MYO10: variants seen among roughly 807,000 people sequenced by gnomAD.
The protein encoded by MYO10 is myosin X, also known as unconventional myosin-X.
MYO10 carries 133 observed loss-of-function variants against 257.3 expected under a neutral mutation model. The ratio of observed to expected loss-of-function variants is 0.52; its 90% CI spans 0.45 to 0.60. The LOEUF is 0.60. MYO10 is among the 20% of genes least tolerant of loss of function. The pLI, the probability that MYO10 is intolerant of heterozygous loss-of-function variation, is 0.00. For synonymous variants in MYO10, 1,104 were observed against 1,028.6 expected (o/e 1.07, Z -1.40); for missense variants, 2,399 against 2,635.7 (o/e 0.91, Z 1.97).
At chr5:16,709,871 T>TA (rs966557974) in intron 21 of MYO10, among the ~76,000 whole-genome samples, 4 of 148,716 alleles carry the variant, frequency 2.7e-5, no homozygotes, top group Non-Finnish European at 5.9e-5. Context: ...CCGTCAGCAG[T>TA]AAAAAATTTC....
chr5:16,819,516 G>T (rs775786525), intron 2 of MYO10, among the ~76,000 whole-genome samples: 5 of 151,790 alleles, frequency 3.3e-5, no homozygotes, highest in Non-Finnish European at 7.4e-5. Flanking sequence ...TAAATACTTG[G>T]ATTACAATCC....
intron 19 of MYO10, among the ~76,000 whole-genome samples, chr5:16,743,857 T>C (rs931755294): frequency 6.6e-6 from 1 of 152,194 alleles, no homozygotes; most frequent in African/African-American, 2.4e-5. Context: ...ACTTTGGACT[T>C]TAATAATAAT....
intron 2 of MYO10, among the ~76,000 whole-genome samples, chr5:16,858,237 T>C (rs1267212454): frequency 1.3e-5 from 2 of 152,186 alleles, no homozygotes; most frequent in Non-Finnish European, 2.9e-5. Flanking sequence ...CGTGAGTTTT[T>C]CCAGACATTT....
intron 2 of MYO10, among the ~76,000 whole-genome samples, chr5:16,852,050 C>CAAAA (rs70943811): frequency 1.4e-4 from 6 of 42,572 alleles, no homozygotes; most frequent in South Asian, 1.7e-3. Flanking sequence ...GACTCCATCT[C>CAAAA]AAAAAAAAAA....
Position 16,823,771 on chromosome 5 carries a change from TGGGGGCG to T in MYO10, c.121-5611_121-5605del, listed in dbSNP as rs558605761. Among the ~76,000 whole-genome samples, 490 of 129,458 alleles carry T rather than the reference TGGGGGCG, an allele frequency of 3.8e-3. 4 individuals carry two copies. Among genetic ancestry groups the T allele is most frequent in the African/African-American group, 0.012 (445 of 35,910 alleles). 84.9% of individuals were successfully genotyped at this position (129,458 alleles called of 152,430 possible). ...ACAGGCGTGAGCCACTGCGCCTGGC[TGGGGGCG>T]GGGGGCGGGGGGCGGTTATTTTTAT... On this transcript the variant is annotated intron_variant, in intron 2 of 40. Transcript: ENST00000513610.
At chr5:16,839,756 ATTAAT>A (rs1168791200) in intron 2 of MYO10, among the ~76,000 whole-genome samples, 1 of 151,992 alleles carries the variant, frequency 6.6e-6, no homozygotes, top group Non-Finnish European at 1.5e-5. Context: ...AAATAAATTA[ATTAAT>A]TTAATTAATA....
chr5:16,875,035 G>C (rs576988102), intron 2 of MYO10, among the ~76,000 whole-genome samples: 19 of 152,112 alleles, frequency 1.2e-4, no homozygotes, highest in Admixed American at 1.1e-3. Context: ...AGACTTATTT[G>C]CTATCACAAG....
Position 16,711,065 on chromosome 5 carries a change from CCT to C in MYO10, c.2055-45_2055-44del, listed in dbSNP as rs768251439. 199 of 1,613,090 alleles carry C rather than the reference CCT, an allele frequency of 1.2e-4. 3 individuals carry two copies. The Admixed American group carries it at 3.1e-3, about 25-fold the overall frequency. ...ACAGGGTCACCTTCTGCGATGGTTCCCTGTTTTCTCCAACCCCTTTGAAAAGA... is the reference window on the plus strand; with the variant it reads ...ACAGGGTCACCTTCTGCGATGGTTCCGTTTTCTCCAACCCCTTTGAAAAGA... On this transcript the variant is annotated intron_variant, in intron 20 of 40. Transcript: ENST00000513610.
Position 16,701,089 on chromosome 5 carries a change from A to G in MYO10, c.3306T>C (p.Thr1102=), listed in dbSNP as rs1738029338. ...TGGAGAAGGTCACGCTGCTGCCGGAAGTGATGGCACCGTCCTCATAGTCAT... is the reference window on the plus strand; with the variant it reads ...TGGAGAAGGTCACGCTGCTGCCGGAGGTGATGGCACCGTCCTCATAGTCAT... ...DQDDYEDGAI[T]SGSSVTFSNS... Residue 1102 remains threonine, a synonymous_variant, in exon 25 of 41, where the codon ACT becomes ACC. Transcript: ENST00000513610. This position sits in a 1 kb window ranked among gnomAD's most constrained non-coding sequence, Gnocchi z 8.1. 2 of 1,584,022 alleles carry G rather than the reference A, an allele frequency of 1.3e-6. No individual in the cohort carries two copies. Among genetic ancestry groups the G allele is most frequent in the Non-Finnish European group, 1.7e-6 (2 of 1,165,756 alleles).
chr5:16,926,496 G>A (rs779982464), intron 1 of MYO10, among the ~76,000 whole-genome samples: 1 of 152,116 alleles, frequency 6.6e-6, no homozygotes, highest in African/African-American at 2.4e-5. Flanking sequence ...GAGGTCACAA[G>A]CTTCAGATCA....
intron 19 of MYO10, chr5:16,742,156 C>A (rs1740040627): frequency 1.0e-6 from 1 of 985,038 alleles, no homozygotes; most frequent in Non-Finnish European, 1.2e-6. Context: ...AAAAAAAGTC[C>A]CAGGACAAAA....
chr5:16,753,292 A>G (rs60835391), intron 19 of MYO10, among the ~76,000 whole-genome samples: 3,702 of 151,786 alleles, frequency 0.024, 174 homozygotes, highest in African/African-American at 0.084. Flanking sequence ...TCAGCCTCCC[A>G]AGTAGGTGGG....
At chr5:16,906,081 C>G (rs1388471687) in intron 1 of MYO10, among the ~76,000 whole-genome samples, 1 of 152,236 alleles carries the variant, frequency 6.6e-6, no homozygotes, top group Non-Finnish European at 1.5e-5. Context: ...ACAACAGTGT[C>G]ACACATACCC....
chr5:16,672,307 A>AAAAAAC (rs1736503784), intron 37 of MYO10, among the ~76,000 whole-genome samples: 1 of 151,894 alleles, frequency 6.6e-6, no homozygotes, highest in African/African-American at 2.4e-5. Flanking sequence ...AAAAAAAAAA[A>AAAAAAC]AGTAGGTCCA....
intron 25 of MYO10, among the ~76,000 whole-genome samples, chr5:16,700,414 C>T (rs1737989321): frequency 2.0e-5 from 3 of 152,222 alleles, no homozygotes; most frequent in African/African-American, 4.8e-5. Flanking sequence ...TGGTGGCTCA[C>T]GCCTGTAATC....
chr5:16,728,614 G>A (rs887912476), intron 19 of MYO10, among the ~76,000 whole-genome samples: 7 of 152,152 alleles, frequency 4.6e-5, no homozygotes, highest in Admixed American at 1.3e-4. Context: ...CATGTACCAA[G>A]GCTTTCCATG....
intron 2 of MYO10, among the ~76,000 whole-genome samples, chr5:16,830,681 A>ACACACACACACACACT (rs746298715): frequency 1.0e-4 from 15 of 150,640 alleles, no homozygotes; most frequent in East Asian, 3.9e-4. Flanking sequence ...TTTAATAGGC[A>ACACACACACACACACT]CACACACACA....
At chr5:16,762,405 T>C (rs1260805295) in intron 15 of MYO10, 140 bp downstream of exon 15, 24 of 755,534 alleles carry the variant, frequency 3.2e-5, no homozygotes, top group Non-Finnish European at 4.6e-5. Flanking sequence ...GTTCTAGTAA[T>C]AGAAGAACAG....
intron 29 of MYO10, among the ~76,000 whole-genome samples, chr5:16,684,655 A>G (rs1737160991): frequency 6.6e-6 from 1 of 152,222 alleles, no homozygotes; most frequent in South Asian, 2.1e-4. Context: ...TCTTCTCCTA[A>G]GAAACTTTAT....
Sources: gnomAD v4.1 joint callset for allele counts (sites outside exome capture counted in the v4.1 genomes callset) on GRCh38, gnomAD v4.1.1 for gene constraint, Gnocchi (gnomAD v3.1) non-coding constraint, MANE v1.5 for transcripts, NCBI Gene and HGNC (gene_info 2026-07-23, HGNC 2026-07-21) for gene names.